Variants in NALF1 observed in about 807,000 individuals in gnomAD.
The protein encoded by NALF1 is NALCN channel auxiliary factor 1.
In NALF1, 3 loss-of-function variants were observed where a neutral mutation model predicts 48.4. The ratio of observed to expected loss-of-function variants is 0.06; its 90% CI spans 0.03 to 0.16. The LOEUF (loss-of-function observed/expected upper bound fraction) is 0.16. Ranked by LOEUF, NALF1 falls within the 10% of genes least tolerant of loss-of-function variation. The probability of loss-of-function intolerance (pLI) is 1.00; values close to 1 mark genes in which losing one functional copy is unlikely to be tolerated. For missense variants in NALF1, 526 were observed against 571.5 expected (o/e 0.92, Z 0.81); for synonymous variants, 262 against 245.7 (o/e 1.07, Z -0.62).
chr13:107,659,605 A>C (rs1322559632), intron 1 of NALF1, among the ~76,000 whole-genome samples: 1 of 151,628 alleles, frequency 6.6e-6, no homozygotes, highest in African/African-American at 2.4e-5. Context: ...ATGGCAGTGA[A>C]TGTGTTTTTT....
At chr13:107,502,825 T>C (rs938225400) in intron 1 of NALF1, among the ~76,000 whole-genome samples, 9 of 152,324 alleles carry the variant, frequency 5.9e-5, no homozygotes, top group African/African-American at 2.2e-4. Flanking sequence ...TGTTAAGTAA[T>C]GAGTATTTAT....
intron 1 of NALF1, among the ~76,000 whole-genome samples, chr13:107,284,022 G>A: frequency 6.6e-6 from 1 of 152,084 alleles, no homozygotes; most frequent in East Asian, 1.9e-4. Flanking sequence ...TGAAAAAGTG[G>A]TGGGCATTGC....
intron 1 of NALF1, among the ~76,000 whole-genome samples, chr13:107,794,911 C>T (rs1048574654): frequency 1.3e-5 from 2 of 152,054 alleles, no homozygotes; most frequent in African/African-American, 4.8e-5. Context: ...TGAACAAGTT[C>T]TTCTAACATT....
chr13:107,770,202 C>T (rs1431930613), intron 1 of NALF1, among the ~76,000 whole-genome samples: 4 of 152,146 alleles, frequency 2.6e-5, no homozygotes, highest in Admixed American at 2.0e-4. Context: ...CGTGAGCCAC[C>T]GCGCCGGGCC....
chr13:107,407,640 A>G (rs1883922209), intron 1 of NALF1, among the ~76,000 whole-genome samples: 1 of 152,106 alleles, frequency 6.6e-6, no homozygotes, highest in Admixed American at 6.6e-5. Context: ...AGAAAAGGGA[A>G]CCCTCATAAA....
chr13:107,713,923 G>A (rs952911639), intron 1 of NALF1, among the ~76,000 whole-genome samples: 1 of 152,162 alleles, frequency 6.6e-6, no homozygotes, highest in South Asian at 2.1e-4. Flanking sequence ...AAGGAGAGAA[G>A]TGTTATTAAA....
intron 1 of NALF1, among the ~76,000 whole-genome samples, chr13:107,306,510 C>A (rs930538686): frequency 2.6e-5 from 4 of 152,038 alleles, no homozygotes; most frequent in African/African-American, 9.7e-5. Context: ...TGTCATTTAC[C>A]GTTTTGAGGA....
intron 1 of NALF1, among the ~76,000 whole-genome samples, chr13:107,328,177 C>G (rs1390096490): frequency 6.6e-6 from 1 of 152,012 alleles, no homozygotes; most frequent in African/African-American, 2.4e-5. Context: ...CTCGACCTCC[C>G]AAAGTGCTGG....
rs183128272 is a variant in NALF1, at chr13:107,362,857, T to C, written c.916-152102A>G. On this transcript the variant is annotated intron_variant, in intron 1 of 2. Coordinates refer to ENST00000375915, the MANE Select transcript of NALF1 (RefSeq NM_001080396.3). This position sits in a 1 kb window ranked among gnomAD's most constrained non-coding sequence, Gnocchi z 4.6. ...ATGTGAGCTTTTGGCAGGTCTAAAG[T>C]AAGTGGAGGGATTGGGTTATCTATA... Among the ~76,000 whole-genome samples the C allele has an allele frequency of 1.3e-5, 2 of 152,214 alleles. No individual in the cohort carries two copies. The highest frequency in any genetic ancestry group is 3.4e-3 in the Middle Eastern group (1 of 294).
intron 1 of NALF1, among the ~76,000 whole-genome samples, chr13:107,484,594 AT>A (rs1401201407): frequency 2.6e-5 from 4 of 152,108 alleles, no homozygotes; most frequent in Non-Finnish European, 4.4e-5. Context: ...TCCAACACAT[AT>A]TGTTGAACGA....
intron 1 of NALF1, among the ~76,000 whole-genome samples, chr13:107,607,274 A>T (rs1382600078): frequency 6.6e-6 from 1 of 152,256 alleles, no homozygotes; most frequent in African/African-American, 2.4e-5. Flanking sequence ...TTAAGTACGC[A>T]GGTCTTAAAA....
chr13:107,270,837 C>T (rs1440640593), intron 1 of NALF1, among the ~76,000 whole-genome samples: 1 of 148,938 alleles, frequency 6.7e-6, no homozygotes, highest in African/African-American at 2.5e-5. Flanking sequence ...ACAACAGGCC[C>T]CGGTGTGTGA....
intron 1 of NALF1, among the ~76,000 whole-genome samples, chr13:107,241,029 C>T (rs1371477970): frequency 1.0e-4 from 13 of 124,598 alleles, no homozygotes; most frequent in South Asian, 8.2e-4. Flanking sequence ...GCCTGGCCAA[C>T]GTGGCGAAAC....
intron 1 of NALF1, among the ~76,000 whole-genome samples, chr13:107,675,936 C>T (rs1881109397): frequency 6.6e-6 from 1 of 152,128 alleles, no homozygotes; most frequent in South Asian, 2.1e-4. Context: ...TGAGGAGCCA[C>T]TTGCTACCAG....
intron 1 of NALF1, among the ~76,000 whole-genome samples, chr13:107,621,374 T>C (rs1879513603): frequency 6.6e-6 from 1 of 152,204 alleles, no homozygotes; most frequent in Non-Finnish European, 1.5e-5. Flanking sequence ...TTTTCTAATA[T>C]CTATCAAGAA....
intron 1 of NALF1, among the ~76,000 whole-genome samples, chr13:107,379,936 A>G (rs878966142): frequency 6.6e-6 from 1 of 152,216 alleles, no homozygotes; most frequent in African/African-American, 2.4e-5. Flanking sequence ...GATGCCAGAC[A>G]TGTCGAGACA....
chr13:107,847,155 T>C (rs2138639260), intron 1 of NALF1, among the ~76,000 whole-genome samples: 1 of 152,314 alleles, frequency 6.6e-6, no homozygotes, highest in African/African-American at 2.4e-5. Flanking sequence ...AAATTTTCCT[T>C]ATGCAGAATA....
chr13:107,453,001 A>C (rs931933879), intron 1 of NALF1, among the ~76,000 whole-genome samples: 2 of 152,232 alleles, frequency 1.3e-5, no homozygotes, highest in African/African-American at 4.8e-5. Flanking sequence ...AGGCTGATGC[A>C]AGAGGTGGGC....
Position 107,633,706 on chromosome 13 carries a change from CAT to C in NALF1, c.915+231974_915+231975del, listed in dbSNP as rs68017852. Among the ~76,000 whole-genome samples the C allele has an allele frequency of 5.8e-3, 448 of 77,590 alleles. 4 individuals are homozygous for C. Among genetic ancestry groups the C allele is most frequent in the African/African-American group, 0.013 (424 of 33,762 alleles). 50.9% of individuals were successfully genotyped at this position (77,590 alleles called of 152,430 possible). ...TACATTTGTCCAATATTTTATTTTT[CAT>C]ATATATGTGTGTGTATATATATATA... is the stretch of plus-strand genomic sequence containing the variant. On this transcript the variant is annotated intron_variant, in intron 1 of 2. Coordinates refer to ENST00000375915, the MANE Select transcript of NALF1 (RefSeq NM_001080396.3).
Sources: gnomAD v4.1 joint callset for allele counts (sites outside exome capture counted in the v4.1 genomes callset) on GRCh38, gnomAD v4.1.1 for gene constraint, Gnocchi (gnomAD v3.1) non-coding constraint, MANE v1.5 for transcripts, NCBI Gene and HGNC (gene_info 2026-07-23, HGNC 2026-07-21) for gene names.